CARD14: variants seen among roughly 807,000 people sequenced by gnomAD.
The protein encoded by CARD14 is caspase recruitment domain-containing protein 14.
Under a neutral mutation model 111.5 loss-of-function variants are expected in CARD14, and 107 were observed. The ratio of observed to expected loss-of-function variants is 0.96; its 90% CI spans 0.82 to 1.13. The LOEUF is 1.13. CARD14 is among the 50% of genes most tolerant of loss of function. CARD14 has a pLI of 0.00. For missense variants in CARD14, 1,322 were observed against 1,362.3 expected (o/e 0.97, Z 0.47); for synonymous variants, 617 against 579.6 (o/e 1.06, Z -0.93).
Position 80,184,186 on chromosome 17 carries a change from C to A in CARD14, c.623C>A (p.Ala208Glu), listed in dbSNP as rs538572480. Residue 208 changes from alanine to glutamate, a missense_variant, in exon 7 of 24, where the codon GCG (alanine) becomes GAG (glutamate). Transcript: ENST00000648509. ...MLSLSLHYSN[A>E]LQEKELAASR... is the part of the protein sequence containing the mutation. ...AGCCTCTCGCTGCACTATAGCAATG[C>A]GCTGCAGGAGAAGGAGCTGGCCGCC... 49 of 1,560,436 alleles carry A rather than the reference C, an allele frequency of 3.1e-5. No homozygotes were observed. The African/African-American group carries it at 5.1e-4, about 16-fold the overall frequency.
rs941322249 is a variant in CARD14 at position 80,189,367 on chromosome 17, C to T, written c.844-386C>T. 6.6e-6 allele frequency among the ~76,000 whole-genome samples: 1 copy of T among 152,206 alleles called. No homozygotes were observed. Among genetic ancestry groups the T allele is most frequent in the Non-Finnish European group, 1.5e-5 (1 of 68,038 alleles). Reference sequence around the variant, plus strand: ...TCACTGGGCCCAGGGCACTGGCCATCTTGCAGCCCGGATTGTGTCTCTGTT... The same window carrying T: ...TCACTGGGCCCAGGGCACTGGCCATTTTGCAGCCCGGATTGTGTCTCTGTT... On this transcript the variant is annotated intron_variant, in intron 8 of 23. Transcript: ENST00000648509. This position sits in a 1 kb window ranked among gnomAD's most constrained non-coding sequence, Gnocchi z 4.7.
Position 80,182,358 on chromosome 17 carries a change from AC to A in CARD14, c.212-291del, listed in dbSNP as rs1384926194. Among the ~76,000 whole-genome samples, 1 of 151,930 alleles carries A rather than the reference AC, an allele frequency of 6.6e-6. No homozygotes were observed. The highest frequency in any genetic ancestry group is 1.9e-4 in the East Asian group (1 of 5,172). ...CTTGCAAGCAGGGACCCACCTCCTC[AC>A]CCCGTCCCGGTCCCCCCGCACTCGC... On this transcript the variant is annotated intron_variant, in intron 5 of 23. Transcript: ENST00000648509. This position sits in a 1 kb window ranked among gnomAD's most constrained non-coding sequence, Gnocchi z 4.7.
In CARD14 at chr17:80,208,478, G is replaced by C. The variant is rs2041478337; in HGVS notation, c.*133G>C. ...GAGGCCGGCTCTCCCCACTGGCTGG[G>C]GTCTAACCTTGAACCCTCACCACGT... On this transcript the variant is annotated 3_prime_UTR_variant, in exon 24 of 24. Transcript: ENST00000648509. 2 of 814,194 alleles carry C rather than the reference G, an allele frequency of 2.5e-6. No homozygotes were observed. Among genetic ancestry groups the C allele is most frequent in the African/African-American group, 3.5e-5 (2 of 57,902 alleles). 50.4% of individuals were successfully genotyped at this position (814,194 alleles called of 1,614,324 possible).
chr17:80,173,379 T>C (rs2039955004), intron 2 of CARD14, among the ~76,000 whole-genome samples, 151 bp downstream of exon 2: 1 of 151,476 alleles, frequency 6.6e-6, no homozygotes, highest in Admixed American at 6.6e-5. Flanking sequence ...ATTGGATGAA[T>C]GGATGGATGG....
chr17:80,188,331 G>T lies in CARD14; in HGVS notation c.676-46G>T. 2 of 1,582,256 alleles carry T rather than the reference G, an allele frequency of 1.3e-6. No individual in the cohort carries two copies. The highest frequency in any genetic ancestry group is 2.3e-5 in the South Asian group (2 of 86,156). On this transcript the variant is annotated intron_variant, in intron 7 of 23. Transcript: ENST00000648509. This position sits in a 1 kb window ranked among gnomAD's most constrained non-coding sequence, Gnocchi z 4.5. ...AAATGCCCCCAGCTCCTGATCAGGG[G>T]AGAAGCTGTTTCCATCGCCCTTCCT...
rs1555615289 is a variant in CARD14, at chr17:80,199,577, A to AAG, written c.1851+987_1851+988insGA. Among the ~76,000 whole-genome samples the AAG allele has an allele frequency of 5.0e-3, 746 of 148,676 alleles. 9 individuals carry two copies. Among genetic ancestry groups the AAG allele is most frequent in the African/African-American group, 0.018 (708 of 39,960 alleles). ...GCCTTGTCTCAAAAAAAAAAAAAAA[A>AAG]AAAAGAAAAGAAAAAAAAAGGCCAG... On this transcript the variant is annotated intron_variant, in intron 16 of 23. Coordinates refer to ENST00000648509, the MANE Select transcript of CARD14 (RefSeq NM_001366385.1).
intron 12 of CARD14, among the ~76,000 whole-genome samples, chr17:80,194,037 C>A (rs2040622749): frequency 6.6e-6 from 1 of 152,142 alleles, no homozygotes; most frequent in Non-Finnish European, 1.5e-5. Flanking sequence ...CCACTCTCCT[C>A]CTGCCCCGGC....
At position 80,198,681 on chromosome 17, in the gene CARD14, C is replaced by A. The variant is rs375085546; in HGVS notation, c.1851+90C>A. 2 of 1,605,736 alleles carry A rather than the reference C, an allele frequency of 1.2e-6. No homozygotes were observed. The highest frequency in any genetic ancestry group is 2.2e-5 in the East Asian group (1 of 44,828). The stretch of plus-strand genomic sequence containing the variant: ...TGACCCAGGCAGACTTCACCTCCCC[C>A]AGACGATGCAGATCCACTCTGGGCT... On this transcript the variant is annotated intron_variant, in intron 16 of 23. Transcript: ENST00000648509. This position sits in a 1 kb window ranked among gnomAD's most constrained non-coding sequence, Gnocchi z 7.5.
At chr17:80,205,766 T>C (rs1044359081) in intron 22 of CARD14, 114 bp downstream of exon 22, 10 of 1,155,718 alleles carry the variant, frequency 8.7e-6, no homozygotes, top group Non-Finnish European at 1.2e-5. Flanking sequence ...GGTGACCTTG[T>C]CGCCGACCTC....
chr17:80,191,290 G>A (rs775079912), intron 10 of CARD14, 33 bp from the exon 11 acceptor site: 2 of 1,596,582 alleles, frequency 1.3e-6, no homozygotes, highest in South Asian at 2.2e-5. Flanking sequence ...GGTGGTGATG[G>A]CGCGGCCTCC....
At chr17:80,184,305 G>T in intron 7 of CARD14, 67 bp downstream of exon 7, 1 of 1,307,056 alleles carries the variant, frequency 7.7e-7, no homozygotes, top group East Asian at 2.7e-5. Context: ...TGTACTAGCT[G>T]GTCCATCTCC....
chr17:80,205,393 A>C (rs1203355832), intron 21 of CARD14, 138 bp from the exon 22 acceptor site: 2 of 1,255,988 alleles, frequency 1.6e-6, no homozygotes, highest in Non-Finnish European at 2.2e-6. Flanking sequence ...GTGCAGGGTC[A>C]GGTTTGTAAA....
At position 80,195,177 on chromosome 17, in the gene CARD14, C is replaced by T; in HGVS notation, c.1357-14C>T. ...TCGTGCGTGCCCCACTGACTTCTGC[C>T]CTCCCTCCTCCAGTCTCAGCTCTTG... On this transcript the variant is annotated splice_polypyrimidine_tract_variant and intron_variant, in intron 12 of 23. Coordinates refer to ENST00000648509, the MANE Select transcript of CARD14 (RefSeq NM_001366385.1). The surrounding 1 kb of genome is among the most constrained non-coding windows in gnomAD (Gnocchi z 4.7). 6.3e-7 allele frequency: 1 copy of T among 1,589,816 alleles called. No homozygotes were observed. The highest frequency in any genetic ancestry group is 2.3e-5 in the East Asian group (1 of 44,354).
rs948676446 is a variant in CARD14 at position 80,205,088 on chromosome 17, C to G, written c.2452C>G (p.Leu818Val). The G allele has an allele frequency of 7.4e-6, 12 of 1,613,164 alleles. No homozygotes were observed. The highest frequency in any genetic ancestry group is 1.0e-5 in the Non-Finnish European group (12 of 1,179,676). Residue 818 changes from leucine to valine, a missense_variant, in exon 21 of 24, where the codon CTG (leucine) becomes GTG (valine). Physicochemically the swap from Leu to Val is conservative, Grantham distance 32. Transcript: ENST00000648509. ...CTGCCTCACCCTGGTGCCCTATACCCTGGTGCGGCCCCATCGACCCGCCCG... is the reference window on the plus strand; with the variant it reads ...CTGCCTCACCCTGGTGCCCTATACCGTGGTGCGGCCCCATCGACCCGCCCG... ...ESCLTLVPYT[L>V]VRPHRPARPR...
At chr17:80,187,591 CA>C in intron 7 of CARD14, among the ~76,000 whole-genome samples, 1 of 152,336 alleles carries the variant, frequency 6.6e-6, no homozygotes, top group South Asian at 2.1e-4. Context: ...TGCGAATTGA[CA>C]ATGTGCTAAC....
In CARD14 at chr17:80,195,176, C is replaced by A; in HGVS notation, c.1357-15C>A. ...CTCGTGCGTGCCCCACTGACTTCTG[C>A]CCTCCCTCCTCCAGTCTCAGCTCTT... On this transcript the variant is annotated splice_polypyrimidine_tract_variant and intron_variant, in intron 12 of 23. Coordinates refer to ENST00000648509, the MANE Select transcript of CARD14 (RefSeq NM_001366385.1). The surrounding 1 kb of genome is among the most constrained non-coding windows in gnomAD (Gnocchi z 4.7). 6.3e-7 allele frequency: 1 copy of A among 1,589,150 alleles called. No homozygotes were observed. The highest frequency in any genetic ancestry group is 8.6e-7 in the Non-Finnish European group (1 of 1,163,412).
At chr17:80,177,694 A>C (rs938213881) in intron 2 of CARD14, among the ~76,000 whole-genome samples, 3 of 148,542 alleles carry the variant, frequency 2.0e-5, no homozygotes. Context: ...ACTCTGTCTC[A>C]AAAAAAAAAA....
intron 19 of CARD14, 45 bp from the exon 20 acceptor site, chr17:80,204,182 T>A (rs763485882): frequency 1.5e-5 from 23 of 1,527,122 alleles, no homozygotes; most frequent in Non-Finnish European, 1.7e-5. Flanking sequence ...TTCCTGTTGA[T>A]GGCTTCAACA....
At position 80,195,668 on chromosome 17, in the gene CARD14, C is replaced by G; in HGVS notation, c.1594+16C>G. ...GACACGGCAGGTGAGCACGCCCAAC[C>G]CTGAACCTCCACAGCAGTCCACCTC... On this transcript the variant is annotated intron_variant, in intron 14 of 23. Transcript: ENST00000648509. This position sits in a 1 kb window ranked among gnomAD's most constrained non-coding sequence, Gnocchi z 4.7. 2 of 1,603,730 alleles carry G rather than the reference C, an allele frequency of 1.2e-6. No homozygotes were observed. The highest frequency in any genetic ancestry group is 2.2e-5 in the South Asian group (2 of 89,764).
Sources: gnomAD v4.1 joint callset for allele counts (sites outside exome capture counted in the v4.1 genomes callset) on GRCh38, gnomAD v4.1.1 for gene constraint, Gnocchi (gnomAD v3.1) non-coding constraint, MANE v1.5 for transcripts, NCBI Gene and HGNC (gene_info 2026-07-23, HGNC 2026-07-21) for gene names.